CACNB2: variants seen among roughly 807,000 people sequenced by gnomAD.
The protein encoded by CACNB2 is calcium voltage-gated channel auxiliary subunit beta 2.
In CACNB2, 42 loss-of-function variants were observed where a neutral mutation model predicts 73.3. The observed-to-expected ratio is 0.57, with a 90% CI of 0.45 to 0.74. The LOEUF is 0.74. Among genes scored for constraint, CACNB2 ranks in the 30% least tolerant of loss-of-function variants. The probability of loss-of-function intolerance (pLI) is 0.00; values close to 1 mark genes in which losing one functional copy is unlikely to be tolerated. For synonymous variants in CACNB2, 348 were observed against 310.3 expected, an observed-to-expected ratio of 1.12 and a Z score of -1.28; for missense variants, 940 against 853.0, an observed-to-expected ratio of 1.10 and a Z score of -1.27.
chr10:18,542,642 T>C lies in CACNB2; in HGVS notation c.*2918T>C, dbSNP rs1312639026. ...CAAATCAGAATATTCCTCAAAGAAC[T>C]AGCTTGAAGGATTTGACATAAGAGC... On this transcript the variant is annotated 3_prime_UTR_variant, in exon 14 of 14. Transcript: ENST00000324631. 1 of 152,186 alleles carries C rather than the reference T, an allele frequency of 6.6e-6. No individual in the cohort carries two copies. The highest frequency in any genetic ancestry group is 2.4e-5 in the African/African-American group (1 of 41,448). The allele number at this position is 152,186 out of a possible 1,614,324, so 9.4% of individuals were successfully genotyped here.
chr10:18,482,522 T>G (rs939253507), intron 3 of CACNB2, among the ~76,000 whole-genome samples: 10 of 152,214 alleles, frequency 6.6e-5, no homozygotes, highest in African/African-American at 1.2e-4. Context: ...TTTGTTTTGT[T>G]TGTTTTGAGA....
chr10:18,470,383 C>T (rs2048119213), intron 3 of CACNB2, among the ~76,000 whole-genome samples: 1 of 148,742 alleles, frequency 6.7e-6, no homozygotes. Context: ...TATATATAGA[C>T]TATGATATAC....
intron 2 of CACNB2, among the ~76,000 whole-genome samples, chr10:18,287,890 C>T (rs1328589830): frequency 2.0e-5 from 3 of 152,234 alleles, no homozygotes; most frequent in South Asian, 2.1e-4. Context: ...GTTACTGGGG[C>T]TGTGCTATTG....
intron 2 of CACNB2, among the ~76,000 whole-genome samples, chr10:18,357,168 C>T (rs1329029234): frequency 6.6e-6 from 1 of 151,326 alleles, no homozygotes; most frequent in Non-Finnish European, 1.5e-5. Context: ...TGGTCTCGAT[C>T]TCCTGACCTC....
intron 2 of CACNB2, among the ~76,000 whole-genome samples, chr10:18,335,951 C>T (rs1019735468): frequency 2.0e-5 from 3 of 152,070 alleles, no homozygotes; most frequent in African/African-American, 7.3e-5. Flanking sequence ...TTTGGTTACC[C>T]AAAATCATTA....
At chr10:18,235,816 C>T (rs980510645) in intron 2 of CACNB2, among the ~76,000 whole-genome samples, 1 of 152,086 alleles carries the variant, frequency 6.6e-6, no homozygotes, top group Non-Finnish European at 1.5e-5. Context: ...GTGTCCCCAC[C>T]CAAATCTCAT....
chr10:18,402,609 G>GTT (rs2132542830), intron 3 of CACNB2, among the ~76,000 whole-genome samples: 1 of 152,264 alleles, frequency 6.6e-6, no homozygotes, highest in South Asian at 2.1e-4. Flanking sequence ...TTAATAAAGT[G>GTT]TGTATATATG....
At chr10:18,235,190 T>C (rs1339222059) in intron 2 of CACNB2, among the ~76,000 whole-genome samples, 2 of 142,010 alleles carry the variant, frequency 1.4e-5, no homozygotes, top group African/African-American at 5.3e-5. Context: ...CAGTGGCTTA[T>C]GCCTGTAATC....
intron 2 of CACNB2, among the ~76,000 whole-genome samples, chr10:18,273,435 T>A (rs772767335): frequency 2.6e-5 from 4 of 151,246 alleles, no homozygotes; most frequent in African/African-American, 7.3e-5. Context: ...AAAACCGCAT[T>A]TTTTTTTTGC....
In CACNB2 at chr10:18,235,129, C is replaced by T. The variant is rs1245741776; in HGVS notation, c.213+84154C>T. On this transcript the variant is annotated intron_variant, in intron 2 of 13. Coordinates refer to ENST00000324631, the MANE Select transcript of CACNB2 (RefSeq NM_201596.3). ...CTGCACTCCAGCCTGGGCGACAGAG[C>T]GAGACTCTGTCTCAAAAAAAAAAAA... Among the ~76,000 whole-genome samples, 5 of 138,072 alleles carry T rather than the reference C, an allele frequency of 3.6e-5. No individual in the cohort carries two copies. In the East Asian group the frequency reaches 8.4e-4, roughly 23 times the overall value. The allele number at this position is 138,072 out of a possible 152,430, so 90.6% of individuals were successfully genotyped here.
chr10:18,229,558 A>G (rs1001140941), intron 2 of CACNB2, among the ~76,000 whole-genome samples: 3 of 152,226 alleles, frequency 2.0e-5, no homozygotes. Context: ...ATGTATTTAT[A>G]TTTTTATGAT....
At chr10:18,314,363 C>G (rs554335935) in intron 2 of CACNB2, among the ~76,000 whole-genome samples, 3 of 152,062 alleles carry the variant, frequency 2.0e-5, no homozygotes, top group Non-Finnish European at 4.4e-5. Context: ...AAGGAGATTA[C>G]AAAGATGTTT....
intron 2 of CACNB2, among the ~76,000 whole-genome samples, chr10:18,280,689 A>G (rs2038504450): frequency 6.6e-6 from 1 of 152,204 alleles, no homozygotes. Flanking sequence ...TACCTTTACA[A>G]ATTTCAAGTA....
chr10:18,187,632 CTG>C (rs2034212820), intron 2 of CACNB2, among the ~76,000 whole-genome samples: 1 of 151,840 alleles, frequency 6.6e-6, no homozygotes, highest in Non-Finnish European at 1.5e-5. Context: ...AGGCATTTAA[CTG>C]TATTATACAC....
intron 2 of CACNB2, among the ~76,000 whole-genome samples, chr10:18,371,477 C>T (rs1158583170): frequency 2.6e-5 from 4 of 151,704 alleles, no homozygotes; most frequent in South Asian, 2.1e-4. Flanking sequence ...TTTGTCCTTG[C>T]GATAGTTTGC....
chr10:18,297,659 G>C (rs975252157), intron 2 of CACNB2, among the ~76,000 whole-genome samples: 1 of 152,178 alleles, frequency 6.6e-6, no homozygotes, highest in Admixed American at 6.5e-5. Context: ...GAACCAACCT[G>C]AGCCCAGGGC....
chr10:18,317,582 T>C (rs2040239982), intron 2 of CACNB2, among the ~76,000 whole-genome samples: 1 of 152,208 alleles, frequency 6.6e-6, no homozygotes, highest in East Asian at 1.9e-4. Context: ...TTTTTATGGC[T>C]GCATAGTATC....
chr10:18,307,193 G>A (rs1465054305), intron 2 of CACNB2, among the ~76,000 whole-genome samples: 1 of 152,188 alleles, frequency 6.6e-6, no homozygotes, highest in Admixed American at 6.5e-5. Flanking sequence ...GGCCGGTCAC[G>A]TGGCTCCCGC....
At chr10:18,220,185 A>T (rs1260733671) in intron 2 of CACNB2, among the ~76,000 whole-genome samples, 2 of 60,822 alleles carry the variant, frequency 3.3e-5, no homozygotes, top group Non-Finnish European at 5.3e-5. Context: ...ACATATATAT[A>T]CATATATATG....
Sources: allele counts gnomAD v4.1 joint callset (sites outside exome capture counted in the v4.1 genomes callset), GRCh38; gene constraint gnomAD v4.1.1; transcripts MANE v1.5; gene names NCBI Gene and HGNC (gene_info 2026-07-23, HGNC 2026-07-21).